HIVEP3: variants seen among roughly 807,000 people sequenced by gnomAD.
The protein encoded by HIVEP3 is transcription factor HIVEP3.
HIVEP3 carries 49 observed loss-of-function variants against 152.8 expected under a neutral mutation model. That is an observed-to-expected ratio of 0.32 (90% CI 0.26 to 0.41). HIVEP3 has a LOEUF of 0.41. Ranked by LOEUF, HIVEP3 falls within the 10% of genes least tolerant of loss-of-function variation. The pLI is 1.00. For synonymous variants in HIVEP3, 1,269 were observed against 1,289.0 expected (o/e 0.98, Z 0.33); for missense variants, 2,790 against 3,103.3 (o/e 0.90, Z 2.40).
intron 1 of HIVEP3, among the ~76,000 whole-genome samples, chr1:41,829,769 T>TA (rs1434561279): frequency 4.0e-5 from 6 of 150,816 alleles, no homozygotes; most frequent in Non-Finnish European, 4.4e-5. Context: ...TAGCCTTTTT[T>TA]AAAAAAAAAT....
At chr1:42,035,211 T>G (rs1482110708) in intron 1 of HIVEP3, among the ~76,000 whole-genome samples, 1 of 152,224 alleles carries the variant, frequency 6.6e-6, no homozygotes, top group Non-Finnish European at 1.5e-5. Flanking sequence ...GTCCCCAGAC[T>G]GCTGCAATCC....
chr1:41,534,015 C>A (rs1488551528), intron 5 of HIVEP3, among the ~76,000 whole-genome samples: 1 of 152,086 alleles, frequency 6.6e-6, no homozygotes, highest in East Asian at 1.9e-4. Flanking sequence ...CTTGATGGCT[C>A]CATTTCCTTC....
intron 1 of HIVEP3, among the ~76,000 whole-genome samples, chr1:41,850,698 T>C (rs1378443024): frequency 6.6e-6 from 1 of 152,176 alleles, no homozygotes; most frequent in African/African-American, 2.4e-5. Context: ...CAATTCTTGG[T>C]TCCCTCCAAG....
chr1:41,844,489 A>T (rs367806885), intron 1 of HIVEP3, among the ~76,000 whole-genome samples: 1 of 152,180 alleles, frequency 6.6e-6, no homozygotes, highest in East Asian at 1.9e-4. Context: ...ACGTCATCCG[A>T]TGCCGCTTCT....
At chr1:41,896,145 G>A (rs1353839243) in intron 1 of HIVEP3, among the ~76,000 whole-genome samples, 1 of 152,152 alleles carries the variant, frequency 6.6e-6, no homozygotes, top group Non-Finnish European at 1.5e-5. Flanking sequence ...TACTAGCTCT[G>A]TGACATGTGG....
intron 1 of HIVEP3, among the ~76,000 whole-genome samples, chr1:41,910,145 G>C (rs1644773334): frequency 6.6e-6 from 1 of 151,890 alleles, no homozygotes; most frequent in East Asian, 1.9e-4. Flanking sequence ...CAAAGTCAAG[G>C]ATTAGAGATA....
intron 1 of HIVEP3, among the ~76,000 whole-genome samples, chr1:41,868,030 T>C (rs1367990289): frequency 1.3e-5 from 2 of 150,984 alleles, no homozygotes; most frequent in Non-Finnish European, 2.9e-5. Context: ...ATCCAGGTCC[T>C]ATCACTGACC....
At chr1:41,622,590 T>G (rs1475868867) in intron 3 of HIVEP3, among the ~76,000 whole-genome samples, 1 of 152,152 alleles carries the variant, frequency 6.6e-6, no homozygotes, top group Non-Finnish European at 1.5e-5. Context: ...AATGACAAAG[T>G]CAAGAGAGAC....
chr1:41,680,740 G>A (rs900486999), intron 2 of HIVEP3, among the ~76,000 whole-genome samples: 1 of 152,216 alleles, frequency 6.6e-6, no homozygotes, highest in Non-Finnish European at 1.5e-5. Flanking sequence ...GCCGCACAAT[G>A]TTGTATTAAT....
At chr1:41,552,652 A>C (rs1378471984) in intron 5 of HIVEP3, among the ~76,000 whole-genome samples, 6 of 150,390 alleles carry the variant, frequency 4.0e-5, no homozygotes, top group Admixed American at 2.0e-4. Context: ...AGTCTTTGCT[A>C]TTGTGAATAA....
intron 3 of HIVEP3, among the ~76,000 whole-genome samples, chr1:41,590,387 G>T (rs1279320109): frequency 3.3e-5 from 5 of 152,216 alleles, no homozygotes; most frequent in African/African-American, 9.7e-5. Flanking sequence ...AGCCTCTCTT[G>T]CAGCTAGTTC....
chr1:42,030,017 T>C (rs1645604487), intron 1 of HIVEP3, among the ~76,000 whole-genome samples: 1 of 152,142 alleles, frequency 6.6e-6, no homozygotes, highest in African/African-American at 2.4e-5. Context: ...AAAAGGTCAT[T>C]TCATAACCAC....
intron 5 of HIVEP3, among the ~76,000 whole-genome samples, chr1:41,534,931 C>T (rs72669029): frequency 0.032 from 4,885 of 152,254 alleles, 288 homozygotes; most frequent in African/African-American, 0.11. Context: ...TGTTGGAACT[C>T]GCCAGGTGAC....
At chr1:41,833,162 A>G (rs1482249738) in intron 1 of HIVEP3, among the ~76,000 whole-genome samples, 4 of 152,260 alleles carry the variant, frequency 2.6e-5, no homozygotes, top group Admixed American at 1.3e-4. Context: ...CCCAAAGCCA[A>G]TCCAGAATGT....
At chr1:41,614,807 T>C (rs1490040859) in intron 3 of HIVEP3, among the ~76,000 whole-genome samples, 1 of 152,230 alleles carries the variant, frequency 6.6e-6, no homozygotes, top group East Asian at 1.9e-4. Context: ...CACAGTTAGC[T>C]GCACAGTCTC....
In HIVEP3 at chr1:41,623,017, C is replaced by T. The variant is rs187597747; in HGVS notation, c.-522+5732G>A. On this transcript the variant is annotated intron_variant, in intron 3 of 8. Transcript: ENST00000372583. Reference sequence around the variant, plus strand: ...AAGTGAAGTCATTTGCCCAAGGTCACGCAGCCAGTATGAGACAGAGCCCGG... The same window carrying T: ...AAGTGAAGTCATTTGCCCAAGGTCATGCAGCCAGTATGAGACAGAGCCCGG... Among the ~76,000 whole-genome samples, 59 of 152,332 alleles carry T rather than the reference C, an allele frequency of 3.9e-4. 1 individual carries two copies. The East Asian group carries it at 0.011, about 28-fold the overall frequency.
intron 1 of HIVEP3, among the ~76,000 whole-genome samples, chr1:42,035,250 C>T (rs2124543230): frequency 1.3e-5 from 2 of 152,336 alleles, no homozygotes; most frequent in East Asian, 3.9e-4. Flanking sequence ...GACGGAGAGA[C>T]CCGGGCGCCC....
intron 2 of HIVEP3, among the ~76,000 whole-genome samples, chr1:41,687,448 C>G (rs1646130822): frequency 6.6e-6 from 1 of 152,244 alleles, no homozygotes; most frequent in Non-Finnish European, 1.5e-5. Flanking sequence ...CCACATCTCT[C>G]CAAACCAAGA....
intron 1 of HIVEP3, among the ~76,000 whole-genome samples, chr1:42,032,066 C>T (rs901691354): frequency 6.6e-6 from 1 of 152,204 alleles, no homozygotes; most frequent in African/African-American, 2.4e-5. Flanking sequence ...TCTCCAGCAC[C>T]TATTTAACAG....
Sources: gnomAD v4.1 joint callset for allele counts (sites outside exome capture counted in the v4.1 genomes callset) on GRCh38, gnomAD v4.1.1 for gene constraint, MANE v1.5 for transcripts, NCBI Gene and HGNC (gene_info 2026-07-23, HGNC 2026-07-21) for gene names.